The following NTRK2 variants were observed in gnomAD, a reference collection of about 807,000 sequenced individuals.
NTRK2 encodes neurotrophic receptor tyrosine kinase 2, also known as BDNF/NT-3 growth factors receptor.
In NTRK2, 13 loss-of-function variants were observed where a neutral mutation model predicts 94.5. That is an observed-to-expected ratio of 0.14 (90% CI 0.09 to 0.22). The LOEUF is 0.22. NTRK2 is among the 10% of genes least tolerant of loss of function. The pLI is 1.00. For synonymous variants in NTRK2, 372 were observed against 407.4 expected (o/e 0.91, Z 1.05); for missense variants, 639 against 1,071.2 (o/e 0.60, Z 5.63).
chr9:84,945,666 G>A, intron 15 of NTRK2, among the ~76,000 whole-genome samples: 1 of 152,264 alleles, frequency 6.6e-6, no homozygotes, highest in Admixed American at 6.5e-5. Context: ...GGCCATGTCA[G>A]GCCCAGTTTC....
intron 9 of NTRK2, among the ~76,000 whole-genome samples, chr9:84,731,643 C>T (rs987633393): frequency 2.6e-5 from 4 of 152,094 alleles, no homozygotes; most frequent in African/African-American, 9.6e-5. Context: ...CCTTTACTTC[C>T]GCTTGGGATG....
At chr9:84,957,523 T>C (rs1824294486) in intron 17 of NTRK2, among the ~76,000 whole-genome samples, 1 of 152,164 alleles carries the variant, frequency 6.6e-6, no homozygotes, top group Non-Finnish European at 1.5e-5. Flanking sequence ...ATCATTAGTC[T>C]TTAGGGAAAA....
intron 9 of NTRK2, among the ~76,000 whole-genome samples, chr9:84,729,337 C>A (rs1032500282): frequency 6.6e-6 from 1 of 152,170 alleles, no homozygotes; most frequent in African/African-American, 2.4e-5. Context: ...GGATGCAAAA[C>A]CCAGACACCC....
intron 14 of NTRK2, among the ~76,000 whole-genome samples, chr9:84,897,260 C>G (rs11140801): frequency 5.1e-4 from 78 of 152,298 alleles, no homozygotes; most frequent in African/African-American, 1.7e-3. Context: ...CCTCAGCCTC[C>G]CGAGTAGCTG....
chr9:84,836,403 G>C (rs187830048), intron 12 of NTRK2, among the ~76,000 whole-genome samples: 3 of 151,878 alleles, frequency 2.0e-5, no homozygotes, highest in Admixed American at 1.3e-4. Flanking sequence ...GGATGCTCCT[G>C]AGTTGAATTA....
chr9:84,752,425 A>C (rs1416016354), intron 12 of NTRK2, among the ~76,000 whole-genome samples: 2 of 152,226 alleles, frequency 1.3e-5, no homozygotes, highest in African/African-American at 4.8e-5. Flanking sequence ...TAACCTGGAC[A>C]CATGTATTTT....
rs531158351 is a variant in NTRK2, at chr9:85,017,805, G to A, written c.2173-2401G>A. 1.5e-4 allele frequency among the ~76,000 whole-genome samples: 23 copies of A among 152,230 alleles called. No individual in the cohort carries two copies. In the East Asian group the frequency reaches 1.7e-3, roughly 12 times the overall value. On this transcript the variant is annotated intron_variant, in intron 17 of 18. Transcript: ENST00000277120. ...ATTCCTACTTCTCTAAGCCCACTTT[G>A]ACCACTGGGGTTCTATTTTATCTAA...
At chr9:84,786,664 A>G (rs1161185459) in intron 12 of NTRK2, among the ~76,000 whole-genome samples, 1 of 152,138 alleles carries the variant, frequency 6.6e-6, no homozygotes, top group East Asian at 1.9e-4. Flanking sequence ...AAACTTAAAT[A>G]GGTTCAGTGG....
At chr9:85,013,771 C>T (rs537862716) in intron 17 of NTRK2, among the ~76,000 whole-genome samples, 5 of 152,308 alleles carry the variant, frequency 3.3e-5, no homozygotes, top group South Asian at 4.1e-4. Flanking sequence ...AACCAAAAGC[C>T]TCTGACAGCT....
At chr9:84,709,342 T>A (rs944485779) in intron 5 of NTRK2, among the ~76,000 whole-genome samples, 1 of 152,240 alleles carries the variant, frequency 6.6e-6, no homozygotes, top group Admixed American at 6.5e-5. Flanking sequence ...AATGATATCT[T>A]CTTTTAGAAA....
intron 14 of NTRK2, among the ~76,000 whole-genome samples, chr9:84,870,780 T>C (rs1587763978): frequency 6.6e-6 from 1 of 152,146 alleles, no homozygotes; most frequent in South Asian, 2.1e-4. Context: ...TAATATCACA[T>C]GGACAGTACA....
At chr9:84,911,274 T>C (rs1422249028) in intron 14 of NTRK2, among the ~76,000 whole-genome samples, 1 of 152,174 alleles carries the variant, frequency 6.6e-6, no homozygotes, top group African/African-American at 2.4e-5. Flanking sequence ...TGTTTTCTAA[T>C]ATCAAGATAA....
intron 14 of NTRK2, among the ~76,000 whole-genome samples, chr9:84,932,062 C>T (rs540895986): frequency 6.6e-5 from 10 of 152,276 alleles, no homozygotes; most frequent in Admixed American, 2.6e-4. Flanking sequence ...ATTCATAGCT[C>T]TGAACCACAT....
At chr9:84,835,518 T>TAACAACAACAAGAACAACAAGAACAAC (rs1406976155) in intron 12 of NTRK2, among the ~76,000 whole-genome samples, 208 of 150,202 alleles carry the variant, frequency 1.4e-3, no homozygotes, top group African/African-American at 4.8e-3. Context: ...TAGACAGAGA[T>TAACAACAACAAGAACAACAAGAACAAC]AACAACAACA....
rs1352725453 is a variant in NTRK2, at chr9:84,891,678, A to G, written c.1633+24247A>G. ...AGTAGAATACAGATGGTTAGTCCAC[A>G]TATTAATCTCACTTAGTGTGCATGT... On this transcript the variant is annotated intron_variant, in intron 14 of 18. Coordinates refer to ENST00000277120, the MANE Select transcript of NTRK2 (RefSeq NM_006180.6). Among the ~76,000 whole-genome samples, 6 of 152,308 alleles carry G rather than the reference A, an allele frequency of 3.9e-5. No individual in the cohort carries two copies. The East Asian group carries it at 1.2e-3, about 29-fold the overall frequency.
At chr9:84,871,613 T>G (rs2075869682) in intron 14 of NTRK2, among the ~76,000 whole-genome samples, 1 of 152,212 alleles carries the variant, frequency 6.6e-6, no homozygotes, top group Non-Finnish European at 1.5e-5. Flanking sequence ...ATAAAATCAT[T>G]TAAGTGAAAG....
chr9:84,714,033 T>C (rs1440761852), intron 6 of NTRK2, among the ~76,000 whole-genome samples: 1 of 152,188 alleles, frequency 6.6e-6, no homozygotes. Flanking sequence ...ATTGGATAGA[T>C]ATTTACACTT....
intron 17 of NTRK2, among the ~76,000 whole-genome samples, chr9:84,992,949 T>TAA (rs1554782128): frequency 6.6e-5 from 10 of 150,466 alleles, no homozygotes; most frequent in Non-Finnish European, 8.9e-5. Context: ...TATATATATA[T>TAA]AACGGTTCTC....
At chr9:84,686,751 T>C (rs532148128) in intron 2 of NTRK2, among the ~76,000 whole-genome samples, 17 of 152,342 alleles carry the variant, frequency 1.1e-4, no homozygotes, top group Non-Finnish European at 2.5e-4. Context: ...GCTTCCTTTA[T>C]ATTTATAAAA....
Sources: allele counts gnomAD v4.1 joint callset (sites outside exome capture counted in the v4.1 genomes callset), GRCh38; gene constraint gnomAD v4.1.1; transcripts MANE v1.5; gene names NCBI Gene and HGNC (gene_info 2026-07-23, HGNC 2026-07-21).